PCDH9: variants seen among roughly 807,000 people sequenced by gnomAD.
PCDH9 encodes the protein protocadherin-9.
A neutral mutation model predicts 70.6 loss-of-function variants in PCDH9; 24 were observed. The ratio of observed to expected loss-of-function variants is 0.34; its 90% CI spans 0.25 to 0.48. PCDH9 has a LOEUF of 0.48. PCDH9 is among the 20% of genes least tolerant of loss of function. PCDH9 has a pLI of 0.99. For synonymous variants in PCDH9, 562 were observed against 558.5 expected (o/e 1.01, Z -0.09); for missense variants, 1,281 against 1,503.6 (o/e 0.85, Z 2.45).
chr13:66,977,561 G>A (rs984108619), intron 2 of PCDH9: 2 of 152,096 alleles, frequency 1.3e-5, no homozygotes, highest in African/African-American at 4.8e-5. Flanking sequence ...GTCTACATAT[G>A]TTTGCCAGAA....
intron 4 of PCDH9, among the ~76,000 whole-genome samples, chr13:66,366,235 G>A (rs1468473524): frequency 6.6e-6 from 1 of 151,770 alleles, no homozygotes; most frequent in Non-Finnish European, 1.5e-5. Flanking sequence ...CACCCCAAAT[G>A]CTATTATTCT....
intron 2 of PCDH9, among the ~76,000 whole-genome samples, chr13:66,909,658 AC>A (rs1397546806): frequency 6.6e-6 from 1 of 152,068 alleles, no homozygotes; most frequent in Non-Finnish European, 1.5e-5. Flanking sequence ...AGTCCCAGCT[AC>A]TAGGGAGGCT....
intron 4 of PCDH9, among the ~76,000 whole-genome samples, chr13:66,343,650 C>T (rs562686500): frequency 3.5e-4 from 54 of 152,344 alleles, no homozygotes; most frequent in African/African-American, 1.2e-3. Flanking sequence ...TAAGCACTCA[C>T]GTGACTAAGT....
At chr13:66,623,304 ATTGTG>A (rs1390757018) in intron 4 of PCDH9, among the ~76,000 whole-genome samples, 10 of 152,202 alleles carry the variant, frequency 6.6e-5, no homozygotes, top group Non-Finnish European at 1.5e-4. Context: ...CCCAGTAGTG[ATTGTG>A]TTGAGTCATG....
At chr13:66,364,906 T>C (rs1956529006) in intron 4 of PCDH9, among the ~76,000 whole-genome samples, 1 of 152,198 alleles carries the variant, frequency 6.6e-6, no homozygotes, top group South Asian at 2.1e-4. Context: ...ATAGAGGCTC[T>C]GATGCTAACA....
intron 3 of PCDH9, among the ~76,000 whole-genome samples, chr13:66,805,317 A>G (rs1472151882): frequency 6.6e-6 from 1 of 152,204 alleles, no homozygotes; most frequent in Non-Finnish European, 1.5e-5. Flanking sequence ...TTCTGCAGTC[A>G]AACGTATTCA....
intron 2 of PCDH9, among the ~76,000 whole-genome samples, chr13:67,069,238 A>T (rs2085710818): frequency 6.6e-6 from 1 of 152,164 alleles, no homozygotes; most frequent in Non-Finnish European, 1.5e-5. Flanking sequence ...TTTTTCAAAA[A>T]GAGAATTGTC....
chr13:66,526,079 C>T (rs568953546), intron 4 of PCDH9, among the ~76,000 whole-genome samples: 3 of 152,108 alleles, frequency 2.0e-5, no homozygotes, highest in Non-Finnish European at 2.9e-5. Context: ...GGATGAGTTC[C>T]GGGTTTGGAC....
At chr13:66,327,495 A>G (rs1026625565) in intron 4 of PCDH9, among the ~76,000 whole-genome samples, 1 of 152,176 alleles carries the variant, frequency 6.6e-6, no homozygotes, top group Non-Finnish European at 1.5e-5. Context: ...CCTTTTTCCT[A>G]CATGTACCAT....
At chr13:66,994,813 A>G (rs1363935835) in intron 2 of PCDH9, among the ~76,000 whole-genome samples, 2 of 152,148 alleles carry the variant, frequency 1.3e-5, no homozygotes, top group African/African-American at 4.8e-5. Flanking sequence ...TCTACGCTAT[A>G]TATAAATATA....
intron 2 of PCDH9, chr13:67,216,702 A>ATG (rs1180367059): frequency 2.8e-5 from 4 of 143,466 alleles, no homozygotes; most frequent in African/African-American, 1.0e-4. Flanking sequence ...ATATATATAT[A>ATG]TATATGGATA....
chr13:66,756,630 C>T (rs2079541914), intron 3 of PCDH9, among the ~76,000 whole-genome samples: 1 of 152,014 alleles, frequency 6.6e-6, no homozygotes, highest in Non-Finnish European at 1.5e-5. Flanking sequence ...TTTCTATAGC[C>T]CCATTTCTGA....
intron 2 of PCDH9, among the ~76,000 whole-genome samples, chr13:67,149,593 C>T (rs929262539): frequency 6.6e-6 from 1 of 151,944 alleles, no homozygotes; most frequent in Admixed American, 6.6e-5. Context: ...GTAAATACTG[C>T]TAATGGTCAC....
intron 4 of PCDH9, among the ~76,000 whole-genome samples, chr13:66,470,164 A>G (rs1958590230): frequency 6.6e-6 from 1 of 152,200 alleles, no homozygotes; most frequent in South Asian, 2.1e-4. Flanking sequence ...CGTAATTAAA[A>G]CAATACGACA....
At chr13:66,952,392 G>T (rs1461457604) in intron 2 of PCDH9, among the ~76,000 whole-genome samples, 1 of 152,170 alleles carries the variant, frequency 6.6e-6, no homozygotes, top group East Asian at 1.9e-4. Context: ...GTAAGTTAAT[G>T]ATTTATTTCA....
intron 4 of PCDH9, among the ~76,000 whole-genome samples, chr13:66,522,589 ATAGT>A: frequency 6.6e-6 from 1 of 152,144 alleles, no homozygotes; most frequent in African/African-American, 2.4e-5. Flanking sequence ...CTTTGCAAAT[ATAGT>A]TAAAGAGATG....
intron 4 of PCDH9, among the ~76,000 whole-genome samples, chr13:66,379,188 C>T (rs1456996082): frequency 1.3e-5 from 2 of 152,196 alleles, no homozygotes; most frequent in Non-Finnish European, 2.9e-5. Flanking sequence ...TAATACACCT[C>T]TCTCCGGCCA....
At chr13:67,085,140 T>C (rs2086081463) in intron 2 of PCDH9, among the ~76,000 whole-genome samples, 1 of 151,124 alleles carries the variant, frequency 6.6e-6, no homozygotes, top group South Asian at 2.1e-4. Context: ...TCATTCTCTA[T>C]GTTTTCCTTT....
chr13:66,351,810 C>A (rs972081421), intron 4 of PCDH9, among the ~76,000 whole-genome samples: 6 of 151,316 alleles, frequency 4.0e-5, no homozygotes, highest in Non-Finnish European at 8.8e-5. Context: ...CCAACTTCAC[C>A]TTACACATTC....
Sources: allele counts gnomAD v4.1 joint callset (sites outside exome capture counted in the v4.1 genomes callset), GRCh38; gene constraint gnomAD v4.1.1; transcripts MANE v1.5; gene names NCBI Gene and HGNC (gene_info 2026-07-23, HGNC 2026-07-21).